UGGT1: variants seen among roughly 807,000 people sequenced by gnomAD.
UGGT1 encodes the protein UDP-glucose glycoprotein glucosyltransferase 1.
In UGGT1, 107 loss-of-function variants were observed where a neutral mutation model predicts 203.9. The observed-to-expected ratio is 0.52, with a 90% CI of 0.45 to 0.62. The LOEUF (loss-of-function observed/expected upper bound fraction) is 0.62. Among genes scored for constraint, UGGT1 ranks in the 20% least tolerant of loss-of-function variants. The pLI is 0.00. For missense variants in UGGT1, 1,673 were observed against 1,867.2 expected (o/e 0.90, Z 1.92); for synonymous variants, 628 against 653.5 (o/e 0.96, Z 0.59).
chr2:128,131,163 G>A (rs994265936), intron 13 of UGGT1, among the ~76,000 whole-genome samples: 13 of 149,318 alleles, frequency 8.7e-5, no homozygotes, highest in Non-Finnish European at 1.6e-4. Flanking sequence ...AATTCGGGAG[G>A]CAGAGGTTGC....
In UGGT1 at chr2:128,150,508, C is replaced by G. The variant is rs548591599; in HGVS notation, c.2017-2276C>G. On this transcript the variant is annotated intron_variant, in intron 18 of 40. Transcript: ENST00000259253. The stretch of plus-strand genomic sequence containing the variant: ...ATGTAAATGAAGAGAAACTTTTAGC[C>G]ATACACCCCTGTGCTGTACTACTCA... Among the ~76,000 whole-genome samples, 9 of 152,192 alleles carry G rather than the reference C, an allele frequency of 5.9e-5. No homozygotes were observed. In the East Asian group the frequency reaches 1.7e-3, roughly 29 times the overall value.
chr2:128,093,516 C>T (rs1573478746), intron 1 of UGGT1, among the ~76,000 whole-genome samples: 3 of 152,180 alleles, frequency 2.0e-5, no homozygotes, highest in African/African-American at 7.2e-5. Flanking sequence ...TGGATTGCTT[C>T]GGTCCCAGCT....
At chr2:128,131,596 A>AGTATT (rs1205146330) in intron 13 of UGGT1, among the ~76,000 whole-genome samples, 6 of 151,832 alleles carry the variant, frequency 4.0e-5, no homozygotes, top group Non-Finnish European at 7.4e-5. Context: ...CTGGAACTAG[A>AGTATT]GTATTGTATT....
At chr2:128,159,923 T>C (rs1280183081) in intron 23 of UGGT1, among the ~76,000 whole-genome samples, 1 of 152,178 alleles carries the variant, frequency 6.6e-6, no homozygotes, top group African/African-American at 2.4e-5. Flanking sequence ...TGAGTTTTTG[T>C]GTGTTTTAAG....
chr2:128,182,233 G>A lies in UGGT1; in HGVS notation c.4187G>A (p.Arg1396Lys), dbSNP rs1691728115. The change falls in exon 37 of 41, where the codon AGG becomes AAG. Residue 1396 changes from arginine to lysine, a missense_variant. Transcript: ENST00000259253. The part of the protein sequence containing the change: ...CDSRREMDGY[R>K]FWKSGYWASH... ...AGCCGAAGAGAAATGGACGGCTACA[G>A]GTTCTGGAAGTCAGGGTACTGGGCC... 6.2e-7 allele frequency: 1 copy of A among 1,614,082 alleles called. No homozygotes were observed. Among genetic ancestry groups the A allele is most frequent in the African/African-American group, 1.3e-5 (1 of 74,932 alleles).
Position 128,152,792 on chromosome 2 carries a change from G to T in UGGT1, c.2025G>T (p.Leu675=). 1.9e-6 allele frequency: 3 copies of T among 1,606,818 alleles called. No individual in the cohort carries two copies. Among genetic ancestry groups the T allele is most frequent in the South Asian group, 2.2e-5 (2 of 89,428 alleles). Residue 675 remains leucine, a synonymous_variant, in exon 19 of 41, where the codon CTG becomes CTT. Transcript: ENST00000259253. ...CTTTTTTTTTCTTGCAGGGTGAACT[G>T]CCCCATGATCAAGATGTGGTAGAGT... ...FFQRAVYLGE[L]PHDQDVVEYI...
chr2:128,117,054 C>T (rs560635546), intron 8 of UGGT1, among the ~76,000 whole-genome samples: 1 of 152,092 alleles, frequency 6.6e-6, no homozygotes, highest in South Asian at 2.1e-4. Context: ...TTTATACATG[C>T]TCAATGGGAA....
chr2:128,115,349 C>A, intron 7 of UGGT1, 129 bp downstream of exon 7: 1 of 757,186 alleles, frequency 1.3e-6, no homozygotes, highest in Non-Finnish European at 2.1e-6. Flanking sequence ...TCTGTTACAC[C>A]TGAGTGGGTG....
At chr2:128,170,262 A>G (rs765894590) in intron 26 of UGGT1, 26 bp from the exon 27 acceptor site, 1 of 1,603,950 alleles carries the variant, frequency 6.2e-7, no homozygotes, top group Non-Finnish European at 8.5e-7. Flanking sequence ...CCTCCAGGTT[A>G]ATGTTTTATC....
At chr2:128,182,064 T>C in intron 36 of UGGT1, 66 bp from the exon 37 acceptor site, 1 of 1,535,620 alleles carries the variant, frequency 6.5e-7, no homozygotes, top group East Asian at 2.3e-5. Context: ...CCACTCTGTA[T>C]CTGAAGGAAA....
At chr2:128,129,270 C>T (rs1488545590) in intron 13 of UGGT1, 91 bp downstream of exon 13, 9 of 1,390,492 alleles carry the variant, frequency 6.5e-6, no homozygotes, top group East Asian at 2.5e-5. Context: ...TGAAGTTACT[C>T]CCACCATCTC....
Position 128,134,893 on chromosome 2 carries a change from T to C in UGGT1, c.1515T>C (p.Pro505=), listed in dbSNP as rs1441203245. 1 of 1,613,800 alleles carries C rather than the reference T, an allele frequency of 6.2e-7. No individual in the cohort carries two copies. The highest frequency in any genetic ancestry group is 1.3e-5 in the African/African-American group (1 of 74,950). The stretch of plus-strand genomic sequence containing the variant: ...TTCAACAGGTTTTCATAGTTGATCC[T>C]GCACATGAGACCACAGCAGAGTTGA... ...NLHNMVFIVD[P]AHETTAELMN... is the part of the protein sequence containing the mutation. The change falls in exon 15 of 41, where the codon CCT becomes CCC. Residue 505 remains proline, a synonymous_variant. Transcript: ENST00000259253.
Position 128,173,842 on chromosome 2 carries a change from A to G in UGGT1, c.3356A>G (p.Tyr1119Cys). 1 of 1,614,198 alleles carries G rather than the reference A, an allele frequency of 6.2e-7. No homozygotes were observed. The highest frequency in any genetic ancestry group is 8.5e-7 in the Non-Finnish European group (1 of 1,180,032). ...TACCTGTTACTGGAAGGTCATTGCTACGACATCACCACAGGCCAGCCTCCA... is the reference window on the plus strand; with the variant it reads ...TACCTGTTACTGGAAGGTCATTGCTGCGACATCACCACAGGCCAGCCTCCA... ...LEYLLLEGHC[Y>C]DITTGQPPRG... The change falls in exon 30 of 41, where the codon TAC becomes TGC. Residue 1119 changes from tyrosine (Y) to cysteine (C), a missense_variant. Coordinates refer to ENST00000259253, the MANE Select transcript of UGGT1 (RefSeq NM_020120.4).
intron 6 of UGGT1, among the ~76,000 whole-genome samples, chr2:128,114,810 T>C (rs1302037323): frequency 6.6e-6 from 1 of 152,162 alleles, no homozygotes; most frequent in East Asian, 1.9e-4. Flanking sequence ...GCCTACAACA[T>C]GTAAAGGAGC....
chr2:128,107,205 T>TA (rs5834197), intron 3 of UGGT1, among the ~76,000 whole-genome samples: 1 of 151,782 alleles, frequency 6.6e-6, no homozygotes, highest in African/African-American at 2.4e-5. Context: ...TCTACTGGTT[T>TA]AAAAAAAAAG....
At chr2:128,168,120 T>C (rs1285603365) in intron 26 of UGGT1, among the ~76,000 whole-genome samples, 1 of 152,170 alleles carries the variant, frequency 6.6e-6, no homozygotes, top group Non-Finnish European at 1.5e-5. Context: ...ATTTGGCTTT[T>C]ACTTAGAGTT....
intron 9 of UGGT1, among the ~76,000 whole-genome samples, chr2:128,120,781 A>T (rs924784056): frequency 6.6e-6 from 1 of 152,220 alleles, no homozygotes; most frequent in Admixed American, 6.5e-5. Context: ...AGAGTGTTTA[A>T]GACATGTCAT....
At chr2:128,114,566 C>G (rs1688010821) in intron 6 of UGGT1, among the ~76,000 whole-genome samples, 1 of 152,180 alleles carries the variant, frequency 6.6e-6, no homozygotes, top group African/African-American at 2.4e-5. Flanking sequence ...CCTGTGACAT[C>G]TGGTCACTCC....
intron 22 of UGGT1, among the ~76,000 whole-genome samples, chr2:128,158,531 A>G (rs1690358921): frequency 6.6e-6 from 1 of 152,218 alleles, no homozygotes; most frequent in Admixed American, 6.5e-5. Flanking sequence ...TGATGTTACA[A>G]GTAGGGGTAT....
Sources: allele counts gnomAD v4.1 joint callset (sites outside exome capture counted in the v4.1 genomes callset), GRCh38; gene constraint gnomAD v4.1.1; transcripts MANE v1.5; gene names NCBI Gene and HGNC (gene_info 2026-07-23, HGNC 2026-07-21).